Variants in IKZF3 observed in about 807,000 individuals in gnomAD.
The protein encoded by IKZF3 is IKAROS family zinc finger 3, also known as zinc finger protein Aiolos.
Under a neutral mutation model 49.0 loss-of-function variants are expected in IKZF3, and 10 were observed. The observed-to-expected ratio is 0.20, with a 90% CI of 0.13 to 0.35. The LOEUF (loss-of-function observed/expected upper bound fraction) is 0.35. Among genes scored for constraint, IKZF3 ranks in the 10% least tolerant of loss-of-function variants. The pLI, the probability that IKZF3 is intolerant of heterozygous loss-of-function variation, is 1.00. For missense variants in IKZF3, 498 were observed against 664.8 expected, an observed-to-expected ratio of 0.75 and a Z score of 2.76; for synonymous variants, 209 against 228.2, an observed-to-expected ratio of 0.92 and a Z score of 0.76.
Position 39,808,839 on chromosome 17 carries a change from T to C in IKZF3, c.164-15906A>G, listed in dbSNP as rs556103770. Among the ~76,000 whole-genome samples, 3 of 152,318 alleles carry C rather than the reference T, an allele frequency of 2.0e-5. No homozygotes were observed. In the East Asian group the frequency reaches 5.8e-4, roughly 29 times the overall value. ...AAAAATGCAAGAGAGAGTTCTGGGCTCCAAGTAATGAAAAGAGTAATAATG... is the reference window on the plus strand; with the variant it reads ...AAAAATGCAAGAGAGAGTTCTGGGCCCCAAGTAATGAAAAGAGTAATAATG... On this transcript the variant is annotated intron_variant, in intron 3 of 7. Transcript: ENST00000346872.
intron 3 of IKZF3, among the ~76,000 whole-genome samples, chr17:39,823,596 T>C (rs1568023755): frequency 1.3e-5 from 2 of 152,134 alleles, no homozygotes; most frequent in South Asian, 4.1e-4. Flanking sequence ...CAAAAATGGT[T>C]TCCTGGGCTG....
intron 3 of IKZF3, among the ~76,000 whole-genome samples, chr17:39,827,627 G>C (rs1226447922): frequency 6.6e-6 from 1 of 152,056 alleles, no homozygotes; most frequent in Admixed American, 6.6e-5. Context: ...TTTTTGACGG[G>C]GATAAACACA....
At chr17:39,852,617 C>T (rs2062910631) in intron 1 of IKZF3, among the ~76,000 whole-genome samples, 1 of 152,110 alleles carries the variant, frequency 6.6e-6, no homozygotes, top group Admixed American at 6.5e-5. Context: ...CAGGCACTAT[C>T]CTGAGAGCCC....
chr17:39,835,856 A>G (rs2062262848), intron 1 of IKZF3: 3 of 606,528 alleles, frequency 4.9e-6, no homozygotes, highest in Non-Finnish European at 9.4e-6. Flanking sequence ...CTGTATGCTT[A>G]CTGATCTCAT....
At position 39,829,426 on chromosome 17, in the gene IKZF3, T is replaced by C; in HGVS notation, c.124A>G (p.Ser42Gly). The part of the protein sequence containing the change: ...TKSHEMENVD[S>G]GEGPANEDED... The stretch of plus-strand genomic sequence containing the variant: ...TCTTCATTGGCTGGGCCTTCTCCAC[T>C]GTCCACATTTTCCATTTCATGAGAT... Residue 42 changes from serine (S) to glycine (G), a missense_variant, in exon 3 of 8, where the codon AGT becomes GGT. Physicochemically the swap from Ser to Gly is moderately conservative, Grantham distance 56 (BLOSUM62 0). Around this residue, in one of 3 missense-constraint regions of IKZF3, gnomAD observed 97 missense variants for 98.9 expected, o/e 0.98. Transcript: ENST00000346872. The C allele has an allele frequency of 6.2e-7, 1 of 1,614,130 alleles. No individual in the cohort carries two copies. Among genetic ancestry groups the C allele is most frequent in the Non-Finnish European group, 8.5e-7 (1 of 1,179,946 alleles).
At chr17:39,835,934 C>T in intron 1 of IKZF3, 1 of 654,090 alleles carries the variant, frequency 1.5e-6, no homozygotes, top group Non-Finnish European at 2.8e-6. Context: ...CCAGTTTCAG[C>T]TTCTCCTGGC....
intron 6 of IKZF3, among the ~76,000 whole-genome samples, chr17:39,784,072 T>C (rs2060813771): frequency 6.6e-6 from 1 of 152,230 alleles, no homozygotes; most frequent in African/African-American, 2.4e-5. Context: ...CTTGAAGAAC[T>C]ATTGAAGATG....
At chr17:39,809,428 A>G (rs556457990) in intron 3 of IKZF3, among the ~76,000 whole-genome samples, 1 of 152,356 alleles carries the variant, frequency 6.6e-6, no homozygotes, top group African/African-American at 2.4e-5. Flanking sequence ...TTTGAAGGTT[A>G]TACACCAAGG....
intron 2 of IKZF3, 131 bp downstream of exon 2, chr17:39,831,966 CA>C (rs1400426618): frequency 1.4e-5 from 9 of 645,286 alleles, no homozygotes; most frequent in African/African-American, 1.3e-4. Context: ...CAGCAACAGA[CA>C]ACCATATTTA....
chr17:39,781,368 G>A (rs1301117809), intron 6 of IKZF3, among the ~76,000 whole-genome samples: 1 of 152,070 alleles, frequency 6.6e-6, no homozygotes, highest in East Asian at 1.9e-4. Flanking sequence ...ATTCATCCTG[G>A]TTCCAGCAAT....
At chr17:39,811,445 G>C (rs779867406) in intron 3 of IKZF3, among the ~76,000 whole-genome samples, 4 of 150,452 alleles carry the variant, frequency 2.7e-5, no homozygotes, top group African/African-American at 9.8e-5. Context: ...AGGAAGGAAG[G>C]AAGAAAGAAA....
At chr17:39,805,442 A>G (rs1000453826) in intron 3 of IKZF3, among the ~76,000 whole-genome samples, 2 of 152,226 alleles carry the variant, frequency 1.3e-5, no homozygotes, top group Non-Finnish European at 2.9e-5. Flanking sequence ...CTTGGATGAG[A>G]AGGAAATGAG....
In IKZF3 at chr17:39,793,942, G is replaced by A. The variant is rs547510879; in HGVS notation, c.164-1009C>T. 2.9e-4 allele frequency among the ~76,000 whole-genome samples: 44 copies of A among 152,312 alleles called. No homozygotes were observed. The South Asian group carries it at 4.8e-3, about 16-fold the overall frequency. ...AGTAAAACCTAAAAATTTGCCTGAT[G>A]TAAGAATAATAAACATTTGTAAGGG... On this transcript the variant is annotated intron_variant, in intron 3 of 7. Coordinates refer to ENST00000346872, the MANE Select transcript of IKZF3 (RefSeq NM_012481.5).
rs112307663 is a variant in IKZF3, at chr17:39,831,940, T to C, written c.61+158A>G. ...AAAGAACTTACATGATCTAAATGGA[T>C]GAGTTATTTTTTCATCAGCAACAGA... On this transcript the variant is annotated intron_variant, in intron 2 of 7. Transcript: ENST00000346872. Among the ~76,000 whole-genome samples the C allele has an allele frequency of 6.4e-3, 969 of 152,224 alleles. 10 individuals carry two copies. Among genetic ancestry groups the C allele is most frequent in the African/African-American group, 0.022 (896 of 41,534 alleles).
rs774988753 is a variant in IKZF3, at chr17:39,777,604, T to C, written c.826+47A>G. Reference sequence around the variant, plus strand: ...GTAGCAAGCATCCTATGTTATTTCATTCAAACTATCTGCTAACAACAGCAG... The same window carrying C: ...GTAGCAAGCATCCTATGTTATTTCACTCAAACTATCTGCTAACAACAGCAG... On this transcript the variant is annotated intron_variant, in intron 7 of 7. Coordinates refer to ENST00000346872, the MANE Select transcript of IKZF3 (RefSeq NM_012481.5). The C allele has an allele frequency of 5.9e-6, 8 of 1,360,264 alleles. No individual in the cohort carries two copies. In the Middle Eastern group the frequency reaches 7.2e-4, roughly 123 times the overall value. The allele number at this position is 1,360,264 out of a possible 1,614,324, so 84.3% of individuals were successfully genotyped here.
intron 3 of IKZF3, among the ~76,000 whole-genome samples, chr17:39,798,748 G>A (rs1415900581): frequency 2.6e-5 from 4 of 152,080 alleles, no homozygotes; most frequent in African/African-American, 4.8e-5. Flanking sequence ...CTCGTGATCC[G>A]CCGGCCTCGG....
intron 1 of IKZF3, chr17:39,835,925 C>T (rs972639644): frequency 1.5e-6 from 1 of 655,230 alleles, no homozygotes; most frequent in Non-Finnish European, 2.8e-6. Flanking sequence ...GATCTGCCTC[C>T]AGTTTCAGCT....
At chr17:39,842,782 A>T (rs141088627) in intron 1 of IKZF3, among the ~76,000 whole-genome samples, 55 of 152,344 alleles carry the variant, frequency 3.6e-4, no homozygotes, top group African/African-American at 1.3e-3. Flanking sequence ...CTCTCCAAAA[A>T]TACTTATTAA....
chr17:39,804,166 T>C (rs972280548), intron 3 of IKZF3, among the ~76,000 whole-genome samples: 4 of 152,058 alleles, frequency 2.6e-5, no homozygotes, highest in Admixed American at 2.6e-4. Context: ...GGGCCGGGTG[T>C]GGTGGCTCAT....
Sources: gnomAD v4.1 joint callset for allele counts (sites outside exome capture counted in the v4.1 genomes callset) on GRCh38, gnomAD v4.1.1 for gene constraint, gnomAD v4.1.1 regional missense constraint, MANE v1.5 for transcripts, NCBI Gene and HGNC (gene_info 2026-07-23, HGNC 2026-07-21) for gene names.